Variants in METTL15 observed in about 807,000 individuals in gnomAD.
The protein encoded by METTL15 is 12S rRNA N(4)-cytidine methyltransferase METTL15.
A neutral mutation model predicts 38.3 loss-of-function variants in METTL15; 34 were observed. The ratio of observed to expected loss-of-function variants is 0.89; its 90% CI spans 0.68 to 1.18. The LOEUF (loss-of-function observed/expected upper bound fraction) is 1.18. Among genes scored for constraint, METTL15 ranks in the 50% most tolerant of loss-of-function variants. The pLI, the probability that METTL15 is intolerant of heterozygous loss-of-function variation, is 0.00. For synonymous variants in METTL15, 162 were observed against 170.9 expected (o/e 0.95, Z 0.41); for missense variants, 438 against 498.4 (o/e 0.88, Z 1.15).
At chr11:28,191,173 C>G (rs61236373) in intron 3 of METTL15, among the ~76,000 whole-genome samples, 43,510 of 151,072 alleles carry the variant, frequency 0.29, 7,086 homozygotes, top group African/African-American at 0.43. Flanking sequence ...ATATTGATTA[C>G]AATACTTTTA....
chr11:28,147,203 T>C (rs1394853926), intron 3 of METTL15, among the ~76,000 whole-genome samples: 1 of 151,922 alleles, frequency 6.6e-6, no homozygotes, highest in Non-Finnish European at 1.5e-5. Context: ...ATTATTTACC[T>C]ATAATCAAAT....
At chr11:28,343,103 C>T (rs1849967216) in intron 3 of METTL15, among the ~76,000 whole-genome samples, 1 of 151,908 alleles carries the variant, frequency 6.6e-6, no homozygotes, top group South Asian at 2.1e-4. Flanking sequence ...CATACAAACC[C>T]CTTTGATGAT....
intron 6 of METTL15, among the ~76,000 whole-genome samples, chr11:28,322,169 A>T (rs1849493212): frequency 6.6e-6 from 1 of 152,104 alleles, no homozygotes; most frequent in African/African-American, 2.4e-5. Flanking sequence ...ACTACTTGGA[A>T]ATCTGTATAA....
At chr11:28,198,923 A>G (rs1326918215) in intron 3 of METTL15, among the ~76,000 whole-genome samples, 3 of 152,090 alleles carry the variant, frequency 2.0e-5, no homozygotes, top group Admixed American at 6.6e-5. Context: ...CAATGGTAGA[A>G]CAATAGCTTG....
chr11:28,372,974 A>G (rs1012700871), intron 5 of METTL15, among the ~76,000 whole-genome samples: 1 of 151,548 alleles, frequency 6.6e-6, no homozygotes, highest in African/African-American at 2.4e-5. Context: ...GCTGCATAGT[A>G]TTCCATGGTG....
intron 5 of METTL15, among the ~76,000 whole-genome samples, chr11:28,377,487 C>T (rs1453471325): frequency 8.5e-5 from 13 of 152,212 alleles, no homozygotes; most frequent in Middle Eastern, 3.4e-3. Flanking sequence ...ACGTAGTTCT[C>T]GAGCCTTGGT....
At chr11:28,189,346 G>T (rs1851617339) in intron 3 of METTL15, among the ~76,000 whole-genome samples, 1 of 151,070 alleles carries the variant, frequency 6.6e-6, no homozygotes, top group Non-Finnish European at 1.5e-5. Flanking sequence ...ATTTCCCAAA[G>T]AATGGAACAA....
chr11:28,326,808 C>A (rs1590328096), intron 6 of METTL15, among the ~76,000 whole-genome samples: 1 of 151,800 alleles, frequency 6.6e-6, no homozygotes, highest in African/African-American at 2.4e-5. Context: ...TTTGTAGAGA[C>A]AGGGTTTCAC....
At chr11:28,498,050 T>A (rs1443917240) in intron 6 of METTL15, among the ~76,000 whole-genome samples, 4 of 13,260 alleles carry the variant, frequency 3.0e-4, no homozygotes, top group Non-Finnish European at 6.8e-4. Context: ...AGAGACTGTT[T>A]CAAAAAAAAA....
At chr11:28,370,074 C>T (rs1238328392) in intron 5 of METTL15, among the ~76,000 whole-genome samples, 1 of 152,022 alleles carries the variant, frequency 6.6e-6, no homozygotes, top group Non-Finnish European at 1.5e-5. Flanking sequence ...GCTAGAAACA[C>T]CTGAATTATT....
At chr11:28,294,683 T>TG (rs922148849) in intron 5 of METTL15, among the ~76,000 whole-genome samples, 1 of 152,070 alleles carries the variant, frequency 6.6e-6, no homozygotes, top group Admixed American at 6.6e-5. Context: ...ATCTATTAGT[T>TG]GGGGGGCAGC....
intron 3 of METTL15, among the ~76,000 whole-genome samples, chr11:28,186,543 G>C (rs577961557): frequency 6.6e-6 from 1 of 150,880 alleles, no homozygotes; most frequent in African/African-American, 2.4e-5. Flanking sequence ...AAGCTTACTT[G>C]ACTTAATTAT....
At chr11:28,400,966 T>C (rs1850625106) in intron 5 of METTL15, among the ~76,000 whole-genome samples, 1 of 151,972 alleles carries the variant, frequency 6.6e-6, no homozygotes, top group Non-Finnish European at 1.5e-5. Context: ...CTATGTGGTG[T>C]ACAAAAATTC....
chr11:28,113,331 C>T lies in METTL15; in HGVS notation c.-4C>T. ...TTTTTTTTCTAGATTTGTTTACCTA[C>T]AAAATGCTTCGGTATCCATATTTTT... On this transcript the variant is annotated 5_prime_UTR_variant, in exon 3 of 7. Transcript: ENST00000407364. 1 of 1,532,008 alleles carries T rather than the reference C, an allele frequency of 6.5e-7. No homozygotes were observed. Among genetic ancestry groups the T allele is most frequent in the East Asian group, 2.3e-5 (1 of 43,874 alleles). The allele number at this position is 1,532,008 out of a possible 1,614,324, so 94.9% of individuals were successfully genotyped here. A position where few individuals can be genotyped will look rare whatever the true frequency, so the allele number is the denominator to read the frequency against.
intron 4 of METTL15, among the ~76,000 whole-genome samples, chr11:28,241,592 G>A (rs1436252070): frequency 1.3e-5 from 2 of 152,030 alleles, no homozygotes; most frequent in Admixed American, 1.3e-4. Context: ...TGGGAACATG[G>A]GGATTGTAGA....
At chr11:28,361,622 G>A (rs1047687418) in intron 4 of METTL15, among the ~76,000 whole-genome samples, 19 of 152,132 alleles carry the variant, frequency 1.2e-4, no homozygotes, top group African/African-American at 3.9e-4. Context: ...TATACTACCT[G>A]AAATTTCTCC....
chr11:28,175,587 C>G (rs751372367), intron 3 of METTL15, among the ~76,000 whole-genome samples: 6 of 152,072 alleles, frequency 3.9e-5, no homozygotes, highest in Non-Finnish European at 8.8e-5. Context: ...AAAAATTGCC[C>G]AAATGACTTA....
intron 5 of METTL15, among the ~76,000 whole-genome samples, chr11:28,378,797 T>G (rs1264744828): frequency 7.0e-6 from 1 of 142,486 alleles, no homozygotes; most frequent in East Asian, 2.1e-4. Flanking sequence ...TTGAATAGAA[T>G]TAGTATAGTC....
chr11:28,296,709 T>C, intron 5 of METTL15, 44 bp from the exon 6 acceptor site: 4 of 1,598,210 alleles, frequency 2.5e-6, no homozygotes, highest in Non-Finnish European at 3.4e-6. Flanking sequence ...GTCTTGTCAA[T>C]GAGAACTGAT....
Sources: gnomAD v4.1 joint callset for allele counts (sites outside exome capture counted in the v4.1 genomes callset) on GRCh38, gnomAD v4.1.1 for gene constraint, MANE v1.5 for transcripts, NCBI Gene and HGNC (gene_info 2026-07-23, HGNC 2026-07-21) for gene names.